The following TMEM132D variants were observed in gnomAD, a reference collection of about 807,000 sequenced individuals.
TMEM132D encodes transmembrane protein 132D.
Under a neutral mutation model 62.3 loss-of-function variants are expected in TMEM132D, and 21 were observed. The observed-to-expected ratio is 0.34, with a 90% CI of 0.24 to 0.49. The LOEUF (loss-of-function observed/expected upper bound fraction) is 0.49. Among genes scored for constraint, TMEM132D ranks in the 20% least tolerant of loss-of-function variants. The probability of loss-of-function intolerance (pLI) is 0.99; values close to 1 mark genes in which losing one functional copy is unlikely to be tolerated. For synonymous variants in TMEM132D, 621 were observed against 575.6 expected, an observed-to-expected ratio of 1.08 and a Z score of -1.13; for missense variants, 1,346 against 1,402.8, an observed-to-expected ratio of 0.96 and a Z score of 0.65.
chr12:129,472,764 G>A (rs1334966148), intron 3 of TMEM132D, among the ~76,000 whole-genome samples: 1 of 152,154 alleles, frequency 6.6e-6, no homozygotes, highest in Non-Finnish European at 1.5e-5. Context: ...TTTGAAAGAC[G>A]TTCTACTGTG....
chr12:129,448,968 A>C (rs927156645), intron 3 of TMEM132D, among the ~76,000 whole-genome samples: 3 of 152,360 alleles, frequency 2.0e-5, no homozygotes, highest in African/African-American at 7.2e-5. Flanking sequence ...GATCTCTGAA[A>C]GAAAGATAAT....
intron 4 of TMEM132D, among the ~76,000 whole-genome samples, chr12:129,269,102 T>C (rs1241217301): frequency 6.6e-6 from 1 of 151,940 alleles, no homozygotes; most frequent in Non-Finnish European, 1.5e-5. Context: ...CACACCAACA[T>C]GGCACATGTG....
intron 4 of TMEM132D, among the ~76,000 whole-genome samples, chr12:129,213,000 A>C (rs1879098812): frequency 6.6e-6 from 1 of 152,178 alleles, no homozygotes; most frequent in Non-Finnish European, 1.5e-5. Context: ...AAGATTCAAG[A>C]GCAATTTATC....
At chr12:129,491,677 C>G (rs1445845938) in intron 3 of TMEM132D, among the ~76,000 whole-genome samples, 1 of 152,204 alleles carries the variant, frequency 6.6e-6, no homozygotes, top group African/African-American at 2.4e-5. Context: ...TGCTGTGGCT[C>G]AGGCCTATAA....
rs1413348921 is a variant in TMEM132D, at chr12:129,773,102, A to C, written c.80-72404T>G. The stretch of plus-strand genomic sequence containing the variant: ...GGGCAGCAGCCACTCCTGGGTATGC[A>C]AGGATCTAGGATACAAATGCCCTGT... On this transcript the variant is annotated intron_variant, in intron 1 of 8. Coordinates refer to ENST00000422113, the MANE Select transcript of TMEM132D (RefSeq NM_133448.3). Among the ~76,000 whole-genome samples the C allele has an allele frequency of 7.9e-5, 12 of 152,248 alleles. No individual in the cohort carries two copies. In the East Asian group the frequency reaches 1.5e-3, roughly 20 times the overall value.
intron 2 of TMEM132D, among the ~76,000 whole-genome samples, chr12:129,660,176 G>T (rs1235622801): frequency 6.6e-6 from 1 of 151,818 alleles, no homozygotes; most frequent in Admixed American, 6.6e-5. Flanking sequence ...AGAGAGAGAG[G>T]CTCAAATTAC....
At chr12:129,473,821 T>C (rs969816798) in intron 3 of TMEM132D, among the ~76,000 whole-genome samples, 14 of 152,352 alleles carry the variant, frequency 9.2e-5, no homozygotes, top group Middle Eastern at 3.4e-3. Context: ...GGCATGTCCA[T>C]AGCAGATCTT....
Position 129,430,470 on chromosome 12 carries a change from T to A in TMEM132D, c.1116-92653A>T, listed in dbSNP as rs940559278. ...GTTTGAGTTCATTATAGATTCTGCA[T>A]ATTAGCCCTTTGTTTTTCTTATTTT... On this transcript the variant is annotated intron_variant, in intron 3 of 8. Coordinates refer to ENST00000422113, the MANE Select transcript of TMEM132D (RefSeq NM_133448.3). 3.9e-5 allele frequency among the ~76,000 whole-genome samples: 6 copies of A among 152,200 alleles called. No homozygotes were observed. In the South Asian group the frequency reaches 1.0e-3, roughly 26 times the overall value.
intron 4 of TMEM132D, among the ~76,000 whole-genome samples, chr12:129,213,930 G>A (rs370786820): frequency 3.3e-5 from 5 of 152,170 alleles, no homozygotes; most frequent in African/African-American, 1.2e-4. Flanking sequence ...AATCTATTAT[G>A]ATGTATTTCC....
chr12:129,244,509 A>C (rs965308574), intron 4 of TMEM132D, among the ~76,000 whole-genome samples: 22 of 152,328 alleles, frequency 1.4e-4, no homozygotes, highest in African/African-American at 5.3e-4. Flanking sequence ...TAGAAAGATA[A>C]AAGTTTGAAA....
At chr12:129,523,879 T>C (rs986100148) in intron 3 of TMEM132D, among the ~76,000 whole-genome samples, 2 of 152,138 alleles carry the variant, frequency 1.3e-5, no homozygotes, top group Admixed American at 6.5e-5. Flanking sequence ...TAAATGTTTC[T>C]CAAGGAGGCA....
chr12:129,726,931 G>A lies in TMEM132D; in HGVS notation c.80-26233C>T, dbSNP rs1869054715. Among the ~76,000 whole-genome samples the A allele has an allele frequency of 2.0e-5, 3 of 152,224 alleles. No homozygotes were observed. In the South Asian group the frequency reaches 6.2e-4, roughly 32 times the overall value. ...AGCTATAGCAGGGATACTCAACTGT[G>A]GCTGTGTGCTGGACAGTTATAAAGA... On this transcript the variant is annotated intron_variant, in intron 1 of 8. Transcript: ENST00000422113.
chr12:129,784,870 A>G (rs1871211674), intron 1 of TMEM132D, among the ~76,000 whole-genome samples: 2 of 152,156 alleles, frequency 1.3e-5, no homozygotes, highest in African/African-American at 2.4e-5. Context: ...GTCACGCTGA[A>G]TGCACACAGG....
intron 3 of TMEM132D, among the ~76,000 whole-genome samples, chr12:129,432,535 T>C (rs1227179416): frequency 6.6e-6 from 1 of 152,242 alleles, no homozygotes; most frequent in Non-Finnish European, 1.5e-5. Flanking sequence ...TTCATTGGCA[T>C]GGGCCATAAA....
chr12:129,197,781 AC>A, intron 5 of TMEM132D, among the ~76,000 whole-genome samples: 1 of 152,364 alleles, frequency 6.6e-6, no homozygotes, highest in South Asian at 2.1e-4. Flanking sequence ...AACAAAATAG[AC>A]AAATGAAATT....
intron 3 of TMEM132D, among the ~76,000 whole-genome samples, chr12:129,386,427 C>A (rs888543565): frequency 2.6e-5 from 4 of 152,146 alleles, no homozygotes; most frequent in Non-Finnish European, 4.4e-5. Context: ...ATACTATATG[C>A]CAACACCAAC....
At chr12:129,768,676 C>A (rs911521043) in intron 1 of TMEM132D, among the ~76,000 whole-genome samples, 1 of 152,050 alleles carries the variant, frequency 6.6e-6, no homozygotes, top group African/African-American at 2.4e-5. Context: ...ATGGTAGAGG[C>A]GAAACAGGGA....
At chr12:129,552,283 T>A (rs895142677) in intron 2 of TMEM132D, among the ~76,000 whole-genome samples, 3 of 152,174 alleles carry the variant, frequency 2.0e-5, no homozygotes, top group Non-Finnish European at 2.9e-5. Context: ...TGTCTACCTA[T>A]GCATTTATGT....
intron 1 of TMEM132D, among the ~76,000 whole-genome samples, chr12:129,802,252 T>G (rs2137308327): frequency 7.4e-6 from 1 of 135,332 alleles, no homozygotes; most frequent in East Asian, 2.2e-4. Flanking sequence ...TCACCAAAGT[T>G]GAAATGAAGG....
Sources: gnomAD v4.1 joint callset for allele counts (sites outside exome capture counted in the v4.1 genomes callset) on GRCh38, gnomAD v4.1.1 for gene constraint, MANE v1.5 for transcripts, NCBI Gene and HGNC (gene_info 2026-07-23, HGNC 2026-07-21) for gene names.